TRIM24: variants seen among roughly 807,000 people sequenced by gnomAD.
TRIM24 encodes tripartite motif containing 24.
Under a neutral mutation model 123.9 loss-of-function variants are expected in TRIM24, and 29 were observed. That is an observed-to-expected ratio of 0.23 (90% CI 0.17 to 0.32). The LOEUF is 0.32. Among genes scored for constraint, TRIM24 ranks in the 10% least tolerant of loss-of-function variants. TRIM24 has a pLI of 1.00. For missense variants in TRIM24, 932 were observed against 1,295.3 expected (o/e 0.72, Z 4.31); for synonymous variants, 456 against 461.1 (o/e 0.99, Z 0.14).
At chr7:138,551,259 A>G (rs2116630493) in intron 8 of TRIM24, 79 bp downstream of exon 8, 3 of 1,284,910 alleles carry the variant, frequency 2.3e-6, no homozygotes, top group East Asian at 2.4e-5. Context: ...TACTGAAAAT[A>G]TGTTCACTTA....
chr7:138,504,588 G>A (rs1455939987), intron 2 of TRIM24, among the ~76,000 whole-genome samples, 180 bp downstream of exon 2: 10 of 150,186 alleles, frequency 6.7e-5, no homozygotes, highest in South Asian at 2.1e-4. Context: ...TCAGCCTCCC[G>A]AGTAGCTGGG....
At chr7:138,539,687 GT>G (rs1038893804) in intron 7 of TRIM24, among the ~76,000 whole-genome samples, 3 of 151,392 alleles carry the variant, frequency 2.0e-5, no homozygotes, top group Non-Finnish European at 2.9e-5. Flanking sequence ...AAGCCATACA[GT>G]TTTTTTAAGT....
chr7:138,532,579 T>G (rs1420051071), intron 6 of TRIM24, among the ~76,000 whole-genome samples: 1 of 152,202 alleles, frequency 6.6e-6, no homozygotes, highest in Admixed American at 6.5e-5. Flanking sequence ...TATATCTCTG[T>G]TTTGGTACCA....
At chr7:138,531,780 G>A (rs1362061381) in intron 6 of TRIM24, among the ~76,000 whole-genome samples, 1 of 152,192 alleles carries the variant, frequency 6.6e-6, no homozygotes, top group Non-Finnish European at 1.5e-5. Context: ...CTAGATCCTT[G>A]AGGAATCGCC....
At chr7:138,508,724 T>TGTGTGCGTGC in intron 2 of TRIM24, among the ~76,000 whole-genome samples, 1 of 148,724 alleles carries the variant, frequency 6.7e-6, no homozygotes, top group Non-Finnish European at 1.5e-5. Flanking sequence ...TGTGTGCGTG[T>TGTGTGCGTGC]GTGTGTGTGT....
intron 2 of TRIM24, among the ~76,000 whole-genome samples, chr7:138,512,413 G>T (rs1796309318): frequency 6.6e-6 from 1 of 152,164 alleles, no homozygotes; most frequent in African/African-American, 2.4e-5. Context: ...CGCGAGTAGA[G>T]GTTCTCCGTG....
At position 138,525,261 on chromosome 7, in the gene TRIM24, C is replaced by A; in HGVS notation, c.785C>A (p.Ala262Asp). The A allele has an allele frequency of 1.3e-6, 2 of 1,492,922 alleles. No homozygotes were observed. The highest frequency in any genetic ancestry group is 1.5e-5 in the South Asian group (1 of 68,360). The allele number at this position is 1,492,922 out of a possible 1,614,324, so 92.5% of individuals were successfully genotyped here. ...KEHRYQFIEE[A>D]FQNQKVIIDT... ...TTCAGATACCAATTTATAGAAGAAG[C>A]TTTTCAGAATCAGAAAGTGATCATA... is the stretch of plus-strand genomic sequence containing the variant. The change falls in exon 5 of 19, where the codon GCT (alanine) becomes GAT (aspartate). Residue 262 changes from alanine (A) to aspartate (D), a missense_variant. Ala to Asp is a moderately radical substitution (Grantham distance 126). Around this residue, in one of 7 missense-constraint regions of TRIM24, gnomAD observed 527 missense variants for 691.3 expected, o/e 0.76. Transcript: ENST00000343526.
rs1233859290 is a variant in TRIM24, at chr7:138,551,169, T to C, written c.1250T>C (p.Ile417Thr). 1.9e-6 allele frequency: 3 copies of C among 1,613,004 alleles called. No individual in the cohort carries two copies. Among genetic ancestry groups the C allele is most frequent in the African/African-American group, 1.3e-5 (1 of 74,872 alleles). The change falls in exon 8 of 19, where the codon ATC becomes ACC. Residue 417 changes from isoleucine (I) to threonine (T), a missense_variant. Coordinates refer to ENST00000343526, the MANE Select transcript of TRIM24 (RefSeq NM_015905.3). ...GATCCTAGTTTCTGGGCTCAAAATA[T>C]CATCAACTTAGGTGGGCCATTACCA... ...HCDPSFWAQN[I>T]INLGSLVIED...
intron 14 of TRIM24, among the ~76,000 whole-genome samples, chr7:138,578,167 AAGAT>A (rs1437209331): frequency 3.9e-5 from 6 of 152,302 alleles, no homozygotes; most frequent in African/African-American, 1.4e-4. Flanking sequence ...GGTACCTAGA[AAGAT>A]AAGCAACTGA....
Position 138,584,926 on chromosome 7 carries a change from T to C in TRIM24, c.3128T>C (p.Ile1043Thr), listed in dbSNP as rs377651512. The change falls in exon 19 of 19, where the codon ATT (isoleucine) becomes ACT (threonine). Residue 1043 changes from isoleucine to threonine, a missense_variant. Around this residue, in one of 7 missense-constraint regions of TRIM24, gnomAD observed 104 missense variants for 121.5 expected, o/e 0.86. Transcript: ENST00000343526. ...VQPRKKRLKS[I>T]EERQLLK ...CCCCGGAAGAAACGCCTCAAAAGCA[T>C]TGAAGAACGCCAGTTGCTTAAATAA... The C allele has an allele frequency of 3.7e-5, 60 of 1,611,310 alleles. No homozygotes were observed. The highest frequency in any genetic ancestry group is 4.4e-5 in the Non-Finnish European group (52 of 1,179,322).
chr7:138,492,999 T>C (rs1236545367), intron 1 of TRIM24, among the ~76,000 whole-genome samples: 2 of 152,200 alleles, frequency 1.3e-5, no homozygotes, highest in African/African-American at 4.8e-5. Flanking sequence ...TTCTTCTTCC[T>C]GCTCAAATCT....
chr7:138,485,086 A>G (rs543552702), intron 1 of TRIM24, among the ~76,000 whole-genome samples: 1 of 152,024 alleles, frequency 6.6e-6, no homozygotes, highest in East Asian at 1.9e-4. Context: ...CTCTTTCCTC[A>G]ATATGGATTT....
chr7:138,529,446 T>A (rs1271250225), intron 6 of TRIM24, among the ~76,000 whole-genome samples: 1 of 152,188 alleles, frequency 6.6e-6, no homozygotes, highest in Non-Finnish European at 1.5e-5. Flanking sequence ...ATTGTTTTCT[T>A]TATAGCACAA....
chr7:138,515,991 C>T (rs533163459), intron 3 of TRIM24, among the ~76,000 whole-genome samples: 22 of 152,240 alleles, frequency 1.4e-4, no homozygotes, highest in Middle Eastern at 3.4e-3. Context: ...CATCTTTGTA[C>T]CCTTTAAGTA....
At chr7:138,544,425 A>G (rs1324476327) in intron 7 of TRIM24, among the ~76,000 whole-genome samples, 2 of 151,904 alleles carry the variant, frequency 1.3e-5, no homozygotes, top group African/African-American at 2.4e-5. Flanking sequence ...GCATCATTGG[A>G]TACAGGTTGT....
At chr7:138,550,071 A>C (rs1474021711) in intron 7 of TRIM24, among the ~76,000 whole-genome samples, 1 of 152,210 alleles carries the variant, frequency 6.6e-6, no homozygotes, top group African/African-American at 2.4e-5. Flanking sequence ...GGAAATAGTT[A>C]TTTAAGAAAG....
chr7:138,586,909 A>G lies in TRIM24; in HGVS notation c.*1958A>G, dbSNP rs937428350. Reference sequence around the variant, plus strand: ...TGAGACTAAAACTATAATTTCCTAAATGTGACTAATGAACCCCAAACTGTC... The same window carrying G: ...TGAGACTAAAACTATAATTTCCTAAGTGTGACTAATGAACCCCAAACTGTC... On this transcript the variant is annotated 3_prime_UTR_variant, in exon 19 of 19. Coordinates refer to ENST00000343526, the MANE Select transcript of TRIM24 (RefSeq NM_015905.3). 2.0e-5 allele frequency: 3 copies of G among 152,214 alleles called. No homozygotes were observed. Among genetic ancestry groups the G allele is most frequent in the African/African-American group, 7.2e-5 (3 of 41,456 alleles). The allele number at this position is 152,214 out of a possible 1,614,324, so 9.4% of individuals were successfully genotyped here.
chr7:138,516,943 C>CA (rs567274159), intron 3 of TRIM24, among the ~76,000 whole-genome samples: 3 of 148,200 alleles, frequency 2.0e-5, no homozygotes, highest in South Asian at 2.1e-4. Context: ...ACCCTATCTA[C>CA]AAAAAAAAAT....
intron 7 of TRIM24, among the ~76,000 whole-genome samples, chr7:138,544,919 G>A (rs533745539): frequency 6.6e-6 from 1 of 152,052 alleles, no homozygotes; most frequent in Non-Finnish European, 1.5e-5. Flanking sequence ...GCATCCCAAC[G>A]GAAATCTGAA....
Sources: gnomAD v4.1 joint callset for allele counts (sites outside exome capture counted in the v4.1 genomes callset) on GRCh38, gnomAD v4.1.1 for gene constraint, gnomAD v4.1.1 regional missense constraint, MANE v1.5 for transcripts, NCBI Gene and HGNC (gene_info 2026-07-23, HGNC 2026-07-21) for gene names.